The following SYT10 variants were observed in gnomAD, a reference collection of about 807,000 sequenced individuals.
SYT10 encodes the protein synaptotagmin-10.
SYT10 carries 31 observed loss-of-function variants against 51.1 expected under a neutral mutation model. That is an observed-to-expected ratio of 0.61 (90% CI 0.46 to 0.82). SYT10 has a LOEUF of 0.82. Ranked by LOEUF, SYT10 falls within the 40% of genes least tolerant of loss-of-function variation. The pLI, the probability that SYT10 is intolerant of heterozygous loss-of-function variation, is 0.00. For missense variants in SYT10, 603 were observed against 634.0 expected, an observed-to-expected ratio of 0.95 and a Z score of 0.53; for synonymous variants, 233 against 225.9, an observed-to-expected ratio of 1.03 and a Z score of -0.28.
Position 33,376,257 on chromosome 12 carries a change from C to T in SYT10, c.*573G>A, listed in dbSNP as rs1866061034. The T allele has an allele frequency of 6.6e-6, 1 of 152,034 alleles. No homozygotes were observed. The highest frequency in any genetic ancestry group is 2.4e-5 in the African/African-American group (1 of 41,402). 9.4% of individuals were successfully genotyped at this position (152,034 alleles called of 1,614,324 possible). A position where few individuals can be genotyped will look rare whatever the true frequency, so the allele number is the denominator to read the frequency against. ...TATTTTAAAGAACAAGCTTGAGAGA[C>T]AAGTTTTGAGTTTAGCAGAGCCAAA... is the stretch of plus-strand genomic sequence containing the variant. On this transcript the variant is annotated 3_prime_UTR_variant, in exon 7 of 7. Transcript: ENST00000228567.
In SYT10 at chr12:33,375,595, A is replaced by G. The variant is rs1866055770; in HGVS notation, c.*1235T>C. The stretch of plus-strand genomic sequence containing the variant: ...AGTTCTGTCTTGTAAAAACACTTGC[A>G]TAGTTTTTACATGTAGTGGCCTGAA... On this transcript the variant is annotated 3_prime_UTR_variant, in exon 7 of 7. Transcript: ENST00000228567. The G allele has an allele frequency of 6.6e-6, 1 of 152,096 alleles. No homozygotes were observed. Among genetic ancestry groups the G allele is most frequent in the Non-Finnish European group, 1.5e-5 (1 of 67,972 alleles). The allele number at this position is 152,096 out of a possible 1,614,324, so 9.4% of individuals were successfully genotyped here.
At chr12:33,388,133 G>A (rs191808766) in intron 3 of SYT10, among the ~76,000 whole-genome samples, 1 of 152,074 alleles carries the variant, frequency 6.6e-6, no homozygotes, top group Non-Finnish European at 1.5e-5. Context: ...AAAAAAAGAA[G>A]CAAATATTCT....
At chr12:33,399,991 C>T (rs1283770277) in intron 3 of SYT10, among the ~76,000 whole-genome samples, 3 of 152,108 alleles carry the variant, frequency 2.0e-5, no homozygotes, top group Non-Finnish European at 4.4e-5. Context: ...GGTTCATTGT[C>T]CCAACCTGCA....
intron 5 of SYT10, among the ~76,000 whole-genome samples, chr12:33,381,679 C>T (rs559065745): frequency 5.9e-5 from 9 of 151,982 alleles, no homozygotes; most frequent in Admixed American, 4.6e-4. Flanking sequence ...GTCCAGGCAA[C>T]GGGGAGAGTG....
rs186262069 is a variant in SYT10, at chr12:33,376,729, C to A, written c.*101G>T. The A allele has an allele frequency of 1.5e-6, 2 of 1,324,832 alleles. No individual in the cohort carries two copies. Among genetic ancestry groups the A allele is most frequent in the South Asian group, 2.5e-5 (2 of 79,924 alleles). The allele number at this position is 1,324,832 out of a possible 1,614,324, so 82.1% of individuals were successfully genotyped here. On this transcript the variant is annotated 3_prime_UTR_variant, in exon 7 of 7. Transcript: ENST00000228567. ...TGCACATCAAGTTTGTTCATTAGTA[C>A]GGATATATTTCAAATGAGGAAACCA...
At chr12:33,400,484 AG>A (rs1431906313) in intron 3 of SYT10, among the ~76,000 whole-genome samples, 1 of 152,186 alleles carries the variant, frequency 6.6e-6, no homozygotes, top group African/African-American at 2.4e-5. Flanking sequence ...AGAATATAAT[AG>A]ATTCATTTTA....
At chr12:33,383,661 A>T (rs144389867) in intron 4 of SYT10, among the ~76,000 whole-genome samples, 1 of 152,294 alleles carries the variant, frequency 6.6e-6, no homozygotes, top group African/African-American at 2.4e-5. Flanking sequence ...CCTTCTAATG[A>T]ACAGTGAGAA....
intron 1 of SYT10, 110 bp downstream of exon 1, chr12:33,439,262 C>T: frequency 1.4e-6 from 2 of 1,398,510 alleles, no homozygotes; most frequent in Non-Finnish European, 1.9e-6. Context: ...AGCGTGGCGC[C>T]CCAAATATGC....
At chr12:33,395,576 AT>A (rs1015435900) in intron 3 of SYT10, among the ~76,000 whole-genome samples, 1 of 152,314 alleles carries the variant, frequency 6.6e-6, no homozygotes, top group Admixed American at 6.5e-5. Flanking sequence ...CCAAATATGG[AT>A]TTTTTGTTAA....
At chr12:33,435,310 A>C (rs1365052663) in intron 1 of SYT10, among the ~76,000 whole-genome samples, 1 of 152,244 alleles carries the variant, frequency 6.6e-6, no homozygotes, top group African/African-American at 2.4e-5. Flanking sequence ...AATACTGCTA[A>C]CATACTGGGA....
At chr12:33,438,305 G>A (rs1328355732) in intron 1 of SYT10, among the ~76,000 whole-genome samples, 1 of 152,158 alleles carries the variant, frequency 6.6e-6, no homozygotes, top group East Asian at 1.9e-4. Context: ...AAAGAACCTA[G>A]AGAAGGAATG....
chr12:33,410,029 C>A (rs1866392455), intron 2 of SYT10, among the ~76,000 whole-genome samples: 1 of 152,168 alleles, frequency 6.6e-6, no homozygotes, highest in African/African-American at 2.4e-5. Context: ...TAGTGAACTT[C>A]CTCAAGCTGG....
At chr12:33,400,194 T>C (rs1866290473) in intron 3 of SYT10, among the ~76,000 whole-genome samples, 1 of 152,220 alleles carries the variant, frequency 6.6e-6, no homozygotes, top group South Asian at 2.1e-4. Context: ...CTTTAGAAGA[T>C]AATTCATTGA....
chr12:33,413,661 C>T (rs1204893087), intron 2 of SYT10, among the ~76,000 whole-genome samples: 1 of 152,100 alleles, frequency 6.6e-6, no homozygotes, highest in Non-Finnish European at 1.5e-5. Flanking sequence ...CCAGGCCTGT[C>T]CTAAAAGAGC....
At position 33,404,477 on chromosome 12, in the gene SYT10, C is replaced by T. The variant is rs193119632; in HGVS notation, c.1077+2312G>A. ...TGCGATCTCAGCTCACTGCGACCTC[C>T]GCCTCCCGGGTTCAAGCAATTCTCC... On this transcript the variant is annotated intron_variant, in intron 3 of 6. Coordinates refer to ENST00000228567, the MANE Select transcript of SYT10 (RefSeq NM_198992.4). 1.0e-3 allele frequency among the ~76,000 whole-genome samples: 152 copies of T among 152,206 alleles called. 2 individuals are homozygous for T. In the East Asian group the frequency reaches 0.021, roughly 21 times the overall value.
chr12:33,387,541 A>G (rs1262146948), intron 3 of SYT10, among the ~76,000 whole-genome samples: 1 of 152,208 alleles, frequency 6.6e-6, no homozygotes, highest in Non-Finnish European at 1.5e-5. Context: ...TGAAAAGCTT[A>G]ATAATGGAAG....
intron 2 of SYT10, among the ~76,000 whole-genome samples, chr12:33,423,353 G>A (rs1994167): frequency 0.13 from 20,275 of 151,806 alleles, 1,582 homozygotes; most frequent in African/African-American, 0.19. Flanking sequence ...GTGTGTGTGC[G>A]TGCCTGTGCA....
At chr12:33,388,665 G>C (rs1437629809) in intron 3 of SYT10, among the ~76,000 whole-genome samples, 1 of 152,038 alleles carries the variant, frequency 6.6e-6, no homozygotes, top group Non-Finnish European at 1.5e-5. Flanking sequence ...CTTGGAAAAG[G>C]AGCATATGAA....
At chr12:33,413,937 C>G (rs1384837846) in intron 2 of SYT10, among the ~76,000 whole-genome samples, 2 of 152,026 alleles carry the variant, frequency 1.3e-5, no homozygotes, top group African/African-American at 4.8e-5. Context: ...TTCAGGAAAC[C>G]CATCTCACAT....
Sources: gnomAD v4.1 joint callset for allele counts (sites outside exome capture counted in the v4.1 genomes callset) on GRCh38, gnomAD v4.1.1 for gene constraint, MANE v1.5 for transcripts, NCBI Gene and HGNC (gene_info 2026-07-23, HGNC 2026-07-21) for gene names.